The following MKLN1 variants were observed in gnomAD, a reference collection of about 807,000 sequenced individuals.
MKLN1 encodes the protein muskelin 1.
MKLN1 carries 18 observed loss-of-function variants against 99.0 expected under a neutral mutation model. The observed-to-expected ratio is 0.18, with a 90% CI of 0.13 to 0.27. The LOEUF (loss-of-function observed/expected upper bound fraction) is 0.27, where lower values mean the gene tolerates loss of function less well. MKLN1 is among the 10% of genes least tolerant of loss of function. The pLI, the probability that MKLN1 is intolerant of heterozygous loss-of-function variation, is 1.00. For missense variants in MKLN1, 621 were observed against 875.9 expected, an observed-to-expected ratio of 0.71 and a Z score of 3.67; for synonymous variants, 288 against 293.2, an observed-to-expected ratio of 0.98 and a Z score of 0.18.
At chr7:131,131,398 AG>A (rs995311089) in intron 1 of MKLN1, among the ~76,000 whole-genome samples, 1 of 152,178 alleles carries the variant, frequency 6.6e-6, no homozygotes, top group Non-Finnish European at 1.5e-5. Context: ...GCAGATTAAT[AG>A]GACATTGCTT....
At chr7:131,400,516 A>ATATATATAT (rs1186649549) in intron 6 of MKLN1, among the ~76,000 whole-genome samples, 58 of 108,084 alleles carry the variant, frequency 5.4e-4, no homozygotes, top group African/African-American at 2.4e-3. Flanking sequence ...CAATAAAAAA[A>ATATATATAT]AAATATATAT....
At chr7:131,115,194 A>C (rs1488248499) in intron 1 of MKLN1, among the ~76,000 whole-genome samples, 6 of 152,218 alleles carry the variant, frequency 3.9e-5, no homozygotes, top group African/African-American at 1.4e-4. Context: ...TTAAGGCTGC[A>C]CAAGGAAAGA....
At chr7:131,220,052 C>T (rs1797038804) in intron 3 of MKLN1, among the ~76,000 whole-genome samples, 1 of 152,168 alleles carries the variant, frequency 6.6e-6, no homozygotes, top group African/African-American at 2.4e-5. Flanking sequence ...CAATCTCTAC[C>T]AAAGAAATTG....
At chr7:131,292,649 A>G (rs1299952095) in intron 3 of MKLN1, among the ~76,000 whole-genome samples, 1 of 152,258 alleles carries the variant, frequency 6.6e-6, no homozygotes, top group Non-Finnish European at 1.5e-5. Context: ...AGAGGCTGGA[A>G]TAGGCAAGGA....
chr7:131,296,166 G>C (rs772409504), intron 3 of MKLN1, among the ~76,000 whole-genome samples: 47 of 152,130 alleles, frequency 3.1e-4, no homozygotes, highest in Non-Finnish European at 5.4e-4. Flanking sequence ...ATCCTACAGA[G>C]AGTCATACAA....
intron 3 of MKLN1, among the ~76,000 whole-genome samples, chr7:131,226,745 T>A (rs1797153145): frequency 1.3e-5 from 2 of 152,216 alleles, no homozygotes; most frequent in Admixed American, 1.3e-4. Flanking sequence ...AGGCTGGATT[T>A]GAGCTCATGC....
chr7:131,242,724 G>A, intron 3 of MKLN1: 1 of 687,556 alleles, frequency 1.5e-6, no homozygotes, highest in Non-Finnish European at 2.8e-6. Flanking sequence ...TCTGGTGGCT[G>A]GAATTGACCG....
chr7:131,193,637 C>G (rs925087167), intron 2 of MKLN1, among the ~76,000 whole-genome samples: 1 of 152,080 alleles, frequency 6.6e-6, no homozygotes, highest in Non-Finnish European at 1.5e-5. Context: ...GCCTCTCAGC[C>G]TCCCAAAGTG....
intron 12 of MKLN1, among the ~76,000 whole-genome samples, chr7:131,446,779 A>C (rs760435221): frequency 2.3e-4 from 35 of 152,242 alleles, no homozygotes; most frequent in Non-Finnish European, 4.6e-4. Context: ...CAAACAAAAA[A>C]ACAAAAGATA....
chr7:131,483,653 T>C (rs1430421340), intron 17 of MKLN1, among the ~76,000 whole-genome samples: 1 of 152,234 alleles, frequency 6.6e-6, no homozygotes, highest in Admixed American at 6.5e-5. Context: ...GACAGCACTT[T>C]GGCACTACAT....
At chr7:131,244,663 C>T (rs149187062) in intron 3 of MKLN1, among the ~76,000 whole-genome samples, 200 of 152,250 alleles carry the variant, frequency 1.3e-3, no homozygotes, top group African/African-American at 4.6e-3. Flanking sequence ...GTTACAGTGA[C>T]GACGGTGATG....
chr7:131,382,698 T>A (rs1793888393), intron 2 of MKLN1, among the ~76,000 whole-genome samples: 1 of 151,072 alleles, frequency 6.6e-6, no homozygotes. Context: ...TCATTAAGCA[T>A]GATGCTTAGC....
intron 2 of MKLN1, among the ~76,000 whole-genome samples, chr7:131,160,061 G>A (rs1372992424): frequency 6.6e-6 from 1 of 152,066 alleles, no homozygotes; most frequent in Non-Finnish European, 1.5e-5. Context: ...TCCCATGCCT[G>A]GTAGAGTCAC....
chr7:131,128,896 A>ATTTTTTTTTTTT (rs59954758), intron 1 of MKLN1, among the ~76,000 whole-genome samples: 1 of 120,220 alleles, frequency 8.3e-6, no homozygotes, highest in Non-Finnish European at 1.6e-5. Context: ...CACCTCACCT[A>ATTTTTTTTTTTT]TTTTTTTTTT....
Position 131,492,657 on chromosome 7 carries a change from A to G in MKLN1, c.*4929A>G, listed in dbSNP as rs1138264. On this transcript the variant is annotated 3_prime_UTR_variant, in exon 18 of 18. Transcript: ENST00000352689. ...AGGCTGAGGTGGGAGGATCACTTGA[A>G]CCCAGGAGTTTGGGGTGCAGTGAGC... 1 of 148,542 alleles carries G rather than the reference A, an allele frequency of 6.7e-6. No homozygotes were observed. Among genetic ancestry groups the G allele is most frequent in the East Asian group, 2.0e-4 (1 of 4,938 alleles). 9.2% of individuals were successfully genotyped at this position (148,542 alleles called of 1,614,324 possible). A position where few individuals can be genotyped will look rare whatever the true frequency, so the allele number is the denominator to read the frequency against.
At chr7:131,427,852 T>C (rs1471399809) in intron 8 of MKLN1, among the ~76,000 whole-genome samples, 2 of 286 alleles carry the variant, frequency 7.0e-3, no homozygotes, top group African/African-American at 0.014. Context: ...CTGTGCCAAA[T>C]TGGAAACGCC....
chr7:131,262,826 A>G (rs541283172), intron 3 of MKLN1, among the ~76,000 whole-genome samples: 10 of 152,132 alleles, frequency 6.6e-5, no homozygotes, highest in South Asian at 4.2e-4. Flanking sequence ...GATTACAGGC[A>G]TGAGCCACCA....
intron 6 of MKLN1, among the ~76,000 whole-genome samples, chr7:131,403,431 T>C (rs917348380): frequency 6.6e-6 from 1 of 152,196 alleles, no homozygotes; most frequent in Non-Finnish European, 1.5e-5. Context: ...ATATTAACAA[T>C]AAGTCTGTTT....
Position 131,204,970 on chromosome 7 carries a change from C to T in MKLN1, c.-179+1996C>T, listed in dbSNP as rs563348824. ...AAAATTAGCTGGGTGTGGTGGTGGGCACCTGTAACCCTAGCTACTTGGGAG... is the reference window on the plus strand; with the variant it reads ...AAAATTAGCTGGGTGTGGTGGTGGGTACCTGTAACCCTAGCTACTTGGGAG... On this transcript the variant is annotated intron_variant, in intron 3 of 7. Transcript: ENST00000416992. Among the ~76,000 whole-genome samples the T allele has an allele frequency of 1.5e-4, 23 of 149,584 alleles. No homozygotes were observed. In the South Asian group the frequency reaches 4.9e-3, roughly 32 times the overall value.
Sources: allele counts gnomAD v4.1 joint callset (sites outside exome capture counted in the v4.1 genomes callset), GRCh38; gene constraint gnomAD v4.1.1; transcripts MANE v1.5; gene names NCBI Gene and HGNC (gene_info 2026-07-23, HGNC 2026-07-21).